FOXK2: variants seen among roughly 807,000 people sequenced by gnomAD.
FOXK2 encodes the protein forkhead box K2.
In FOXK2, 24 loss-of-function variants were observed where a neutral mutation model predicts 53.3. The observed-to-expected ratio is 0.45, with a 90% CI of 0.33 to 0.63. The LOEUF is 0.63. FOXK2 is among the 30% of genes least tolerant of loss of function. The pLI is 0.03. For synonymous variants in FOXK2, 505 were observed against 407.1 expected (o/e 1.24, Z -2.89); for missense variants, 952 against 910.5 (o/e 1.05, Z -0.59).
intron 1 of FOXK2, among the ~76,000 whole-genome samples, chr17:82,559,791 A>G (rs554290575): frequency 9.2e-5 from 14 of 151,758 alleles, no homozygotes; most frequent in Middle Eastern, 3.4e-3. Flanking sequence ...ATTTATTTAG[A>G]GCAGCACTGA....
At chr17:82,569,221 A>G (rs1172499003) in intron 3 of FOXK2, among the ~76,000 whole-genome samples, 1 of 152,190 alleles carries the variant, frequency 6.6e-6, no homozygotes, top group Non-Finnish European at 1.5e-5. Flanking sequence ...ATCCCAGCAG[A>G]ACGCAGCACA....
chr17:82,562,502 C>G (rs568159735), intron 1 of FOXK2, among the ~76,000 whole-genome samples: 2 of 151,912 alleles, frequency 1.3e-5, no homozygotes, highest in African/African-American at 4.8e-5. Context: ...ATCGCTTGAA[C>G]CTGGGAGGTG....
At chr17:82,572,088 A>G in intron 4 of FOXK2, 1 of 432,586 alleles carries the variant, frequency 2.3e-6, no homozygotes, top group Non-Finnish European at 4.0e-6. Context: ...AGGAGCGTCT[A>G]GGCCTGCATG....
chr17:82,597,275 A>C (rs2045323900), intron 8 of FOXK2, among the ~76,000 whole-genome samples: 1 of 152,218 alleles, frequency 6.6e-6, no homozygotes, highest in Admixed American at 6.5e-5. Context: ...AGATCAACAG[A>C]GTCAGTGCCT....
Position 82,601,367 on chromosome 17 carries a change from G to A in FOXK2, c.1851G>A (p.Lys617=). 6.2e-7 allele frequency: 1 copy of A among 1,613,396 alleles called. No individual in the cohort carries two copies. Among genetic ancestry groups the A allele is most frequent in the South Asian group, 1.1e-5 (1 of 91,062 alleles). ...CCGCATCGGCCTCCCTGCCCACAAAGCGCCACAACGGTGACCAGCCGGAGC... is the reference window on the plus strand; with the variant it reads ...CCGCATCGGCCTCCCTGCCCACAAAACGCCACAACGGTGACCAGCCGGAGC... The part of the protein sequence containing the change: ...HASASASLPT[K]RHNGDQPEQP... The change falls in exon 9 of 9, where the codon AAG becomes AAA. Residue 617 remains lysine (K), a synonymous_variant. Transcript: ENST00000335255.
chr17:82,520,286 C>T lies in FOXK2; in HGVS notation c.398C>T (p.Pro133Leu). The change falls in exon 1 of 9, where the codon CCG becomes CTG. Residue 133 changes from proline (P) to leucine (L), a missense_variant. This residue lies in a region of FOXK2 where 76 missense variants were observed against 128.2 expected (regional missense o/e 0.59). Coordinates refer to ENST00000335255, the MANE Select transcript of FOXK2 (RefSeq NM_004514.4). ...GGCGTGTTCCAGAGGCGCGGGGCGCCGCCGCTGCAGCTGCCGCGCGTGTGA... is the reference window on the plus strand; with the variant it reads ...GGCGTGTTCCAGAGGCGCGGGGCGCTGCCGCTGCAGCTGCCGCGCGTGTGA... ...VDGVFQRRGA[P>L]PLQLPRVCTF... The T allele has an allele frequency of 7.9e-7, 1 of 1,265,274 alleles. No homozygotes were observed. Among genetic ancestry groups the T allele is most frequent in the Non-Finnish European group, 1.0e-6 (1 of 1,000,716 alleles). The allele number at this position is 1,265,274 out of a possible 1,614,324, so 78.4% of individuals were successfully genotyped here.
chr17:82,548,381 A>G (rs758627801), intron 1 of FOXK2, among the ~76,000 whole-genome samples: 1 of 152,070 alleles, frequency 6.6e-6, no homozygotes, highest in Non-Finnish European at 1.5e-5. Flanking sequence ...TGGATCATTT[A>G]CATCAACCGT....
intron 8 of FOXK2, chr17:82,595,995 A>G (rs2045306273): frequency 8.6e-7 from 1 of 1,161,822 alleles, no homozygotes; most frequent in Non-Finnish European, 1.1e-6. Flanking sequence ...GCGTAGGAGA[A>G]AGGCCACTGG....
Position 82,535,489 on chromosome 17 carries a change from C to T in FOXK2, c.419+15182C>T, listed in dbSNP as rs151264267. On this transcript the variant is annotated intron_variant, in intron 1 of 8. Coordinates refer to ENST00000335255, the MANE Select transcript of FOXK2 (RefSeq NM_004514.4). ...TCTCACAGGTCCTTTAGGCTCTGCT[C>T]GTCTTCTTTGTTCTTTCTCCTTTCT... Among the ~76,000 whole-genome samples the T allele has an allele frequency of 1.9e-3, 286 of 152,266 alleles. 1 individual carries two copies. Among genetic ancestry groups the T allele is most frequent in the African/African-American group, 6.4e-3 (265 of 41,562 alleles).
At chr17:82,546,478 C>T (rs1280780276) in intron 1 of FOXK2, among the ~76,000 whole-genome samples, 3 of 152,032 alleles carry the variant, frequency 2.0e-5, no homozygotes, top group East Asian at 3.9e-4. Context: ...CGGTGCAGCT[C>T]GCCTTGTAAG....
intron 3 of FOXK2, among the ~76,000 whole-genome samples, chr17:82,570,737 C>T (rs1179191495): frequency 6.6e-6 from 1 of 152,142 alleles, no homozygotes; most frequent in East Asian, 1.9e-4. Flanking sequence ...GCTCTTCATC[C>T]ATGTTGACAA....
At position 82,568,118 on chromosome 17, in the gene FOXK2, G is replaced by A. The variant is rs2044872303; in HGVS notation, c.679G>A (p.Val227Met). The change falls in exon 3 of 9, where the codon GTG becomes ATG. Residue 227 changes from valine to methionine, a missense_variant. Coordinates refer to ENST00000335255, the MANE Select transcript of FOXK2 (RefSeq NM_004514.4). Reference protein sequence around the residue: ...AGSSGYKVGRVMPSDLNLMAD... With the variant: ...AGSSGYKVGRMMPSDLNLMAD... ...GTCTTCAGGGTACAAGGTGGGCCGA[G>A]TGATGCCATCTGACCTCAATTTAAT... The A allele has an allele frequency of 6.2e-7, 1 of 1,614,022 alleles. No homozygotes were observed. The highest frequency in any genetic ancestry group is 8.5e-7 in the Non-Finnish European group (1 of 1,180,030).
rs183440286 is a variant in FOXK2 at position 82,532,001 on chromosome 17, C to T, written c.419+11694C>T. Among the ~76,000 whole-genome samples, 543 of 151,454 alleles carry T rather than the reference C, an allele frequency of 3.6e-3. 4 individuals carry two copies. The highest frequency in any genetic ancestry group is 0.013 in the African/African-American group (517 of 41,244). On this transcript the variant is annotated intron_variant, in intron 1 of 8. Coordinates refer to ENST00000335255, the MANE Select transcript of FOXK2 (RefSeq NM_004514.4). The stretch of plus-strand genomic sequence containing the variant: ...GATTACAGGCTCACGCCGCCACGCC[C>T]GGCTAATTATTTTATTTTATTTTAT...
intron 3 of FOXK2, among the ~76,000 whole-genome samples, chr17:82,570,231 A>AG (rs755581958): frequency 4.0e-5 from 6 of 150,396 alleles, no homozygotes; most frequent in Non-Finnish European, 7.4e-5. Flanking sequence ...CAAAAAAAAA[A>AG]GAGAGACAAA....
At chr17:82,581,679 G>T (rs1004269139) in intron 4 of FOXK2, among the ~76,000 whole-genome samples, 8 of 152,118 alleles carry the variant, frequency 5.3e-5, no homozygotes, top group African/African-American at 1.4e-4. Flanking sequence ...GTTTCACCGT[G>T]TTTGCCAGGA....
chr17:82,581,142 G>T (rs976744974), intron 4 of FOXK2, among the ~76,000 whole-genome samples: 2 of 152,232 alleles, frequency 1.3e-5, no homozygotes, highest in Non-Finnish European at 2.9e-5. Flanking sequence ...TCCAGATTTT[G>T]TTTTGAGTGA....
chr17:82,530,212 C>T (rs1407340902), intron 1 of FOXK2, among the ~76,000 whole-genome samples: 2 of 152,014 alleles, frequency 1.3e-5, no homozygotes, highest in East Asian at 1.9e-4. Context: ...TGAAATAGGC[C>T]GGGCACGTTG....
In FOXK2 at chr17:82,569,761, C is replaced by T. The variant is rs531773263; in HGVS notation, c.762+1560C>T. ...TGGCATGCACCTGTAGTCACAGCTG[C>T]TCGGGAGGCTGAGGCAGAATCACTT... On this transcript the variant is annotated intron_variant, in intron 3 of 8. Coordinates refer to ENST00000335255, the MANE Select transcript of FOXK2 (RefSeq NM_004514.4). Among the ~76,000 whole-genome samples the T allele has an allele frequency of 4.6e-5, 7 of 152,282 alleles. No individual in the cohort carries two copies. The East Asian group carries it at 1.4e-3, about 29-fold the overall frequency.
At chr17:82,582,591 T>C (rs2045077321) in intron 4 of FOXK2, 150 bp from the exon 5 acceptor site, 2 of 610,994 alleles carry the variant, frequency 3.3e-6, no homozygotes, top group African/African-American at 3.7e-5. Flanking sequence ...AGCACATTAC[T>C]TGTGTGACGC....
Sources: allele counts gnomAD v4.1 joint callset (sites outside exome capture counted in the v4.1 genomes callset), GRCh38; gene constraint gnomAD v4.1.1; regional missense constraint gnomAD v4.1.1; transcripts MANE v1.5; gene names NCBI Gene and HGNC (gene_info 2026-07-23, HGNC 2026-07-21).